GSKIP: variants seen among roughly 807,000 people sequenced by gnomAD.
GSKIP encodes GSK3B interacting protein, also known as GSK3B-interacting protein.
Under a neutral mutation model 11.9 loss-of-function variants are expected in GSKIP, and 5 were observed. The observed-to-expected ratio is 0.42, with a 90% CI of 0.22 to 0.89. GSKIP has a LOEUF of 0.89. Ranked by LOEUF, GSKIP falls within the 40% of genes least tolerant of loss-of-function variation. GSKIP has a pLI of 0.29. For missense variants in GSKIP, 150 were observed against 166.6 expected, an observed-to-expected ratio of 0.90 and a Z score of 0.55; for synonymous variants, 70 against 62.9, an observed-to-expected ratio of 1.11 and a Z score of -0.54.
chr14:96,375,774 G>A (rs1356245697), intron 1 of GSKIP, among the ~76,000 whole-genome samples: 2 of 152,208 alleles, frequency 1.3e-5, no homozygotes, highest in African/African-American at 4.8e-5. Flanking sequence ...GAAGTCCAAG[G>A]TAGAGGGGTC....
At position 96,385,848 on chromosome 14, in the gene GSKIP, C is replaced by G. The variant is rs749592417; in HGVS notation, c.*164C>G. The G allele has an allele frequency of 2.8e-5, 16 of 567,832 alleles. No homozygotes were observed. Among genetic ancestry groups the G allele is most frequent in the African/African-American group, 2.1e-4 (11 of 52,496 alleles). The allele number at this position is 567,832 out of a possible 1,614,324, so 35.2% of individuals were successfully genotyped here. A position where few individuals can be genotyped will look rare whatever the true frequency, so the allele number is the denominator to read the frequency against. ...AGAAGATTATTGAATAATGATTTGT[C>G]TTAGTTTCTGTTTCAGTAAGGGAAT... is the stretch of plus-strand genomic sequence containing the variant. On this transcript the variant is annotated 3_prime_UTR_variant, in exon 4 of 4. Coordinates refer to ENST00000555181, the MANE Select transcript of GSKIP (RefSeq NM_016472.5).
intron 1 of GSKIP, among the ~76,000 whole-genome samples, chr14:96,371,102 ATG>A (rs1248380091): frequency 3.9e-5 from 6 of 152,240 alleles, no homozygotes; most frequent in African/African-American, 1.2e-4. Flanking sequence ...ATTAAATGTT[ATG>A]TGTTACAGAA....
chr14:96,371,567 C>T (rs952540426), intron 1 of GSKIP, among the ~76,000 whole-genome samples: 3 of 151,868 alleles, frequency 2.0e-5, no homozygotes, highest in African/African-American at 4.8e-5. Context: ...GCCTCAGCCT[C>T]CCCAGTAGCT....
chr14:96,368,343 A>AT (rs199553285), intron 1 of GSKIP, among the ~76,000 whole-genome samples: 3,146 of 151,682 alleles, frequency 0.021, 107 homozygotes, highest in African/African-American at 0.072. Flanking sequence ...TAATTTTTGT[A>AT]TTTTTTTGTA....
chr14:96,371,351 T>A (rs1889040516), intron 1 of GSKIP, among the ~76,000 whole-genome samples: 1 of 152,172 alleles, frequency 6.6e-6, no homozygotes, highest in Non-Finnish European at 1.5e-5. Flanking sequence ...AAGACTGCAA[T>A]TTTTAAATTG....
chr14:96,381,591 AT>A (rs1889344692), intron 2 of GSKIP, among the ~76,000 whole-genome samples: 1 of 152,190 alleles, frequency 6.6e-6, no homozygotes, highest in South Asian at 2.1e-4. Context: ...TGCAATTTAG[AT>A]TTATTTCCAT....
At chr14:96,366,553 A>G (rs1050470826) in intron 1 of GSKIP, among the ~76,000 whole-genome samples, 2 of 152,188 alleles carry the variant, frequency 1.3e-5, no homozygotes, top group African/African-American at 4.8e-5. Flanking sequence ...AAGACAAAGT[A>G]CCTGTCACAA....
intron 1 of GSKIP, among the ~76,000 whole-genome samples, chr14:96,376,557 G>C (rs1466247976): frequency 6.6e-6 from 1 of 152,122 alleles, no homozygotes; most frequent in African/African-American, 2.4e-5. Flanking sequence ...TGAGACCTCC[G>C]TAAGACCAAT....
chr14:96,376,363 TC>T (rs1265045785), intron 1 of GSKIP, among the ~76,000 whole-genome samples: 15 of 152,338 alleles, frequency 9.8e-5, no homozygotes, highest in African/African-American at 3.6e-4. Flanking sequence ...ACAGAATTTT[TC>T]ACAACTCTCA....
At chr14:96,367,899 CAG>C (rs1451606455) in intron 1 of GSKIP, among the ~76,000 whole-genome samples, 1 of 152,118 alleles carries the variant, frequency 6.6e-6, no homozygotes, top group Non-Finnish European at 1.5e-5. Flanking sequence ...TTGCTAGAAA[CAG>C]AATATTGCTC....
chr14:96,373,663 C>A (rs1017584965), intron 1 of GSKIP, among the ~76,000 whole-genome samples: 2 of 151,090 alleles, frequency 1.3e-5, no homozygotes, highest in African/African-American at 4.9e-5. Context: ...GGATAATTCC[C>A]ATTCTTATCA....
chr14:96,370,533 G>C (rs865986959), intron 1 of GSKIP, among the ~76,000 whole-genome samples: 2 of 152,096 alleles, frequency 1.3e-5, no homozygotes, highest in Admixed American at 6.5e-5. Flanking sequence ...GAGAGGTGTG[G>C]ATCTCTCATG....
chr14:96,385,449 C>G, intron 3 of GSKIP, 74 bp from the exon 4 acceptor site: 1 of 1,165,038 alleles, frequency 8.6e-7, no homozygotes, highest in Non-Finnish European at 1.2e-6. Flanking sequence ...GATGATTACT[C>G]ACATAAACAC....
chr14:96,367,973 GTC>G (rs1888938431), intron 1 of GSKIP, among the ~76,000 whole-genome samples: 2 of 152,186 alleles, frequency 1.3e-5, no homozygotes, highest in Admixed American at 1.3e-4. Context: ...TCTATTTTAT[GTC>G]TCTGTAGATA....
intron 1 of GSKIP, among the ~76,000 whole-genome samples, chr14:96,374,493 G>A (rs1889142966): frequency 6.6e-6 from 1 of 152,092 alleles, no homozygotes. Flanking sequence ...ATGTTTCATG[G>A]GAAACAAGAC....
rs1364373990 is a variant in GSKIP at position 96,382,467 on chromosome 14, A to G, written c.220A>G (p.Asn74Asp). ...AYINVETKER[N>D]RYCLELTEAG... The stretch of plus-strand genomic sequence containing the variant: ...TATCAATGTGGAAACAAAGGAAAGA[A>G]ACAGATATTGCCTAGAACTCACTGA... Residue 74 changes from asparagine to aspartate, a missense_variant, in exon 3 of 4, where the codon AAC becomes GAC. Physicochemically the swap from Asn to Asp is conservative, Grantham distance 23 (BLOSUM62 1). Transcript: ENST00000555181. 2 of 1,613,586 alleles carry G rather than the reference A, an allele frequency of 1.2e-6. No individual in the cohort carries two copies. Among genetic ancestry groups the G allele is most frequent in the Non-Finnish European group, 1.7e-6 (2 of 1,179,524 alleles).
At chr14:96,364,418 C>T (rs1448317686) in intron 1 of GSKIP, 2 of 152,204 alleles carry the variant, frequency 1.3e-5, no homozygotes, top group African/African-American at 4.8e-5. Context: ...ATGAGTAGGG[C>T]ACGAACCTGA....
intron 1 of GSKIP, among the ~76,000 whole-genome samples, chr14:96,369,605 G>A (rs1888989613): frequency 6.6e-6 from 1 of 152,180 alleles, no homozygotes; most frequent in Admixed American, 6.5e-5. Flanking sequence ...AGGGCTCCAG[G>A]TACTCAGCTC....
intron 1 of GSKIP, among the ~76,000 whole-genome samples, chr14:96,372,418 G>T (rs1351332731): frequency 6.6e-6 from 1 of 152,200 alleles, no homozygotes; most frequent in Non-Finnish European, 1.5e-5. Context: ...TGTTCAGGAA[G>T]ATACAGTGAT....
Sources: gnomAD v4.1 joint callset for allele counts (sites outside exome capture counted in the v4.1 genomes callset) on GRCh38, gnomAD v4.1.1 for gene constraint, MANE v1.5 for transcripts, NCBI Gene and HGNC (gene_info 2026-07-23, HGNC 2026-07-21) for gene names.